TANGO6: variants seen among roughly 807,000 people sequenced by gnomAD.
The protein encoded by TANGO6 is transport and Golgi organization protein 6 homolog.
In TANGO6, 90 loss-of-function variants were observed where a neutral mutation model predicts 114.2. The observed-to-expected ratio is 0.79, with a 90% CI of 0.66 to 0.94. The LOEUF is 0.94. Ranked by LOEUF, TANGO6 falls within the 40% of genes least tolerant of loss-of-function variation. TANGO6 has a pLI of 0.00. For missense variants in TANGO6, 1,274 were observed against 1,315.3 expected (o/e 0.97, Z 0.49); for synonymous variants, 477 against 509.8 (o/e 0.94, Z 0.87).
rs201068120 is a variant in TANGO6, at chr16:69,025,101, T to A, written c.2994+2122T>A. Among the ~76,000 whole-genome samples, 5 of 152,216 alleles carry A rather than the reference T, an allele frequency of 3.3e-5. No homozygotes were observed. The East Asian group carries it at 7.7e-4, about 23-fold the overall frequency. On this transcript the variant is annotated intron_variant, in intron 16 of 17. Coordinates refer to ENST00000261778, the MANE Select transcript of TANGO6 (RefSeq NM_024562.2). ...GGTGATGTTGGATTTTTCTTCTCAG[T>A]CACTTTGCAAGCCAGGGACCTCTGG...
intron 15 of TANGO6, among the ~76,000 whole-genome samples, chr16:68,979,281 G>T (rs1963799523): frequency 6.6e-6 from 1 of 151,884 alleles, no homozygotes; most frequent in Admixed American, 6.6e-5. Flanking sequence ...CCAGGCCGGA[G>T]TGCAGTGGTG....
chr16:68,943,767 G>T (rs1004810961), intron 14 of TANGO6, among the ~76,000 whole-genome samples: 3 of 152,096 alleles, frequency 2.0e-5, no homozygotes, highest in African/African-American at 7.2e-5. Flanking sequence ...TGGAAAGGGG[G>T]TCTTTTATAT....
Position 69,040,344 on chromosome 16 carries a change from G to A in TANGO6, c.3031G>A (p.Gly1011Ser), listed in dbSNP as rs115929607. Residue 1011 changes from glycine to serine, a missense_variant, in exon 17 of 18, where the codon GGT becomes AGT. Transcript: ENST00000261778. Reference sequence around the variant, plus strand: ...CCTGATTGCTGTGGCCAAAACAGATGGTGAAGTTCAAGTACGCAGAGCTGC... The same window carrying A: ...CCTGATTGCTGTGGCCAAAACAGATAGTGAAGTTCAAGTACGCAGAGCTGC... ...ACLIAVAKTD[G>S]EVQVRRAAIH... 7.7e-4 allele frequency: 1,240 copies of A among 1,609,164 alleles called. 11 individuals are homozygous for A. The African/African-American group carries it at 0.015, about 19-fold the overall frequency.
At chr16:68,896,451 TAC>T (rs1962705825) in intron 7 of TANGO6, among the ~76,000 whole-genome samples, 2 of 152,120 alleles carry the variant, frequency 1.3e-5, no homozygotes, top group South Asian at 4.1e-4. Context: ...TAGCTGGAAG[TAC>T]AGACATGCAC....
intron 17 of TANGO6, among the ~76,000 whole-genome samples, chr16:69,063,805 C>CTTATTATTA (rs1263446156): frequency 5.7e-4 from 68 of 118,522 alleles, no homozygotes; most frequent in African/African-American, 9.8e-4. Context: ...TCTTCTTCTT[C>CTTATTATTA]TTCTTATTAT....
intron 7 of TANGO6, among the ~76,000 whole-genome samples, chr16:68,894,659 T>G (rs1962678663): frequency 6.6e-6 from 1 of 152,136 alleles, no homozygotes; most frequent in Non-Finnish European, 1.5e-5. Context: ...AATCTCATTA[T>G]GCACAGGGGA....
chr16:68,969,983 A>G (rs141952680), intron 14 of TANGO6, among the ~76,000 whole-genome samples: 75 of 152,102 alleles, frequency 4.9e-4, no homozygotes, highest in Non-Finnish European at 8.4e-4. Flanking sequence ...AGTCTCTTCA[A>G]TGGGTGGTGG....
chr16:68,977,942 T>C (rs183482319), intron 15 of TANGO6, among the ~76,000 whole-genome samples: 224 of 152,198 alleles, frequency 1.5e-3, no homozygotes, highest in African/African-American at 4.8e-3. Context: ...TGCCTTGGCC[T>C]CCCACAGTGC....
At chr16:68,870,065 G>C (rs1962244652) in intron 4 of TANGO6, among the ~76,000 whole-genome samples, 1 of 152,212 alleles carries the variant, frequency 6.6e-6, no homozygotes, top group Admixed American at 6.5e-5. Flanking sequence ...CTGCAGTTTA[G>C]AAATATCTAT....
At chr16:69,059,453 G>A (rs1007950547) in intron 17 of TANGO6, among the ~76,000 whole-genome samples, 3 of 151,842 alleles carry the variant, frequency 2.0e-5, no homozygotes, top group Admixed American at 6.6e-5. Flanking sequence ...TGTTCCGCCC[G>A]CCTCAGCCTC....
At chr16:69,054,940 C>CAAAAAAAA in intron 17 of TANGO6, among the ~76,000 whole-genome samples, 1 of 68,928 alleles carries the variant, frequency 1.5e-5, no homozygotes, top group Non-Finnish European at 2.6e-5. Flanking sequence ...GACTCCGTCT[C>CAAAAAAAA]AAAAAAAAAA....
intron 15 of TANGO6, among the ~76,000 whole-genome samples, chr16:68,978,702 C>A (rs1234199512): frequency 6.6e-6 from 1 of 152,080 alleles, no homozygotes; most frequent in Non-Finnish European, 1.5e-5. Flanking sequence ...CCCACCCCTA[C>A]CTCTTCTCTG....
intron 2 of TANGO6, 27 bp downstream of exon 2, chr16:68,860,551 G>T: frequency 1.2e-6 from 2 of 1,601,838 alleles, no homozygotes; most frequent in South Asian, 1.1e-5. Context: ...AAAGAGAGAG[G>T]GAGAGATTGT....
rs1374198674 is a variant in TANGO6 at position 68,933,151 on chromosome 16, A to AG, written c.2701+2856_2701+2857insG. ...TATTTAACAAACTACTCTGTGGCTC[A>AG]CGCCTATCATCCCAGCACTTTGGGA... On this transcript the variant is annotated intron_variant, in intron 14 of 17. Coordinates refer to ENST00000261778, the MANE Select transcript of TANGO6 (RefSeq NM_024562.2). 4.7e-3 allele frequency among the ~76,000 whole-genome samples: 721 copies of AG among 152,206 alleles called. 6 individuals are homozygous for AG. Among genetic ancestry groups the AG allele is most frequent in the African/African-American group, 0.017 (688 of 41,532 alleles).
chr16:69,011,729 A>G (rs1964145105), intron 15 of TANGO6, among the ~76,000 whole-genome samples: 1 of 152,198 alleles, frequency 6.6e-6, no homozygotes. Context: ...AATCTTGTTA[A>G]TTCAGATTTG....
At chr16:68,884,311 A>C (rs1242358387) in intron 7 of TANGO6, among the ~76,000 whole-genome samples, 2 of 152,180 alleles carry the variant, frequency 1.3e-5, no homozygotes, top group African/African-American at 4.8e-5. Context: ...CTGGCACACA[A>C]ATATGGAATC....
intron 15 of TANGO6, among the ~76,000 whole-genome samples, chr16:68,977,441 C>T (rs1404483676): frequency 6.6e-6 from 1 of 150,606 alleles, no homozygotes; most frequent in Non-Finnish European, 1.5e-5. Context: ...CGCCTGTAAT[C>T]CCAGCACTTT....
intron 14 of TANGO6, chr16:68,933,674 C>T (rs1353531905): frequency 6.6e-6 from 1 of 152,192 alleles, no homozygotes; most frequent in African/African-American, 2.4e-5. Context: ...ATAAATTCCT[C>T]CTCAGGCCTG....
rs7195674 is a variant in TANGO6 at position 69,001,801 on chromosome 16, C to T, written c.2843-21027C>T. Among the ~76,000 whole-genome samples the T allele has an allele frequency of 9.6e-3, 1,468 of 152,182 alleles. 21 individuals are homozygous for T. The highest frequency in any genetic ancestry group is 0.033 in the African/African-American group (1,351 of 41,478). On this transcript the variant is annotated intron_variant, in intron 15 of 17. Coordinates refer to ENST00000261778, the MANE Select transcript of TANGO6 (RefSeq NM_024562.2). ...CAACCCAAAGCCAATCTGCCCATTC[C>T]GCATTTCATATCTTTTAGGTACCCA...
Sources: allele counts gnomAD v4.1 joint callset (sites outside exome capture counted in the v4.1 genomes callset), GRCh38; gene constraint gnomAD v4.1.1; transcripts MANE v1.5; gene names NCBI Gene and HGNC (gene_info 2026-07-23, HGNC 2026-07-21).